PANK1: variants seen among roughly 807,000 people sequenced by gnomAD.
PANK1 encodes pantothenic acid kinase 1.
PANK1 carries 18 observed loss-of-function variants against 40.1 expected under a neutral mutation model. The observed-to-expected ratio is 0.45, with a 90% CI of 0.31 to 0.67. The LOEUF (loss-of-function observed/expected upper bound fraction) is 0.67. Ranked by LOEUF, PANK1 falls within the 30% of genes least tolerant of loss-of-function variation. The pLI, the probability that PANK1 is intolerant of heterozygous loss-of-function variation, is 0.06. For missense variants in PANK1, 457 were observed against 599.6 expected, an observed-to-expected ratio of 0.76 and a Z score of 2.48; for synonymous variants, 242 against 237.7, an observed-to-expected ratio of 1.02 and a Z score of -0.17.
At chr10:89,604,154 T>A (rs1434480824) in intron 2 of PANK1, among the ~76,000 whole-genome samples, 1 of 152,204 alleles carries the variant, frequency 6.6e-6, no homozygotes, top group Non-Finnish European at 1.5e-5. Context: ...AAATTTAATG[T>A]CAACCGAATA....
intron 2 of PANK1, among the ~76,000 whole-genome samples, chr10:89,609,693 C>T (rs368186448): frequency 4.3e-4 from 66 of 152,328 alleles, no homozygotes; most frequent in African/African-American, 1.6e-3. Context: ...CCTGGCCAGA[C>T]TATTTAGCAA....
intron 2 of PANK1, among the ~76,000 whole-genome samples, chr10:89,608,286 C>T (rs910964768): frequency 6.6e-6 from 1 of 151,962 alleles, no homozygotes; most frequent in African/African-American, 2.4e-5. Flanking sequence ...CCACCTCGGC[C>T]CCCCAAAGTG....
chr10:89,587,732 T>A (rs1179844519), intron 6 of PANK1, among the ~76,000 whole-genome samples: 1 of 152,312 alleles, frequency 6.6e-6, no homozygotes, highest in South Asian at 2.1e-4. Flanking sequence ...TAAGGTATAA[T>A]AAAATGGTTG....
At chr10:89,634,321 C>T (rs1026216946) in intron 1 of PANK1, among the ~76,000 whole-genome samples, 1 of 152,176 alleles carries the variant, frequency 6.6e-6, no homozygotes, top group Non-Finnish European at 1.5e-5. Context: ...ATCCAAGTAA[C>T]TGGCTGCCCA....
At chr10:89,592,973 G>A in intron 5 of PANK1, 1 of 569,486 alleles carries the variant, frequency 1.8e-6, no homozygotes, top group Non-Finnish European at 3.2e-6. Flanking sequence ...TGTTTCCACA[G>A]GTGAATGGTT....
At chr10:89,606,135 T>C (rs1458489967) in intron 2 of PANK1, among the ~76,000 whole-genome samples, 3 of 152,190 alleles carry the variant, frequency 2.0e-5, no homozygotes, top group African/African-American at 7.2e-5. Flanking sequence ...AAAGCACAGG[T>C]AGAGTAGATG....
intron 1 of PANK1, chr10:89,639,367 G>A: frequency 7.0e-6 from 2 of 284,280 alleles, no homozygotes; most frequent in Middle Eastern, 4.5e-4. Flanking sequence ...TTCTAACACT[G>A]TTGCATTGGA....
chr10:89,637,812 A>T (rs1841864275), intron 1 of PANK1, among the ~76,000 whole-genome samples: 1 of 152,218 alleles, frequency 6.6e-6, no homozygotes, highest in East Asian at 1.9e-4. Flanking sequence ...AATTTTAAAA[A>T]TTTTTTGACT....
chr10:89,601,945 T>C (rs1844799610), intron 2 of PANK1, among the ~76,000 whole-genome samples: 1 of 152,244 alleles, frequency 6.6e-6, no homozygotes, highest in South Asian at 2.1e-4. Flanking sequence ...TCTGGCTTGT[T>C]TTCTAGGTCT....
intron 2 of PANK1, among the ~76,000 whole-genome samples, chr10:89,611,013 T>A (rs1417392269): frequency 6.6e-6 from 1 of 152,204 alleles, no homozygotes; most frequent in African/African-American, 2.4e-5. Context: ...AACATTGGAC[T>A]GCATGTTACT....
At position 89,626,586 on chromosome 10, in the gene PANK1, G is replaced by A. The variant is rs553320693; in HGVS notation, c.293-14538C>T. On this transcript the variant is annotated intron_variant, in intron 1 of 6. Coordinates refer to ENST00000307534, the MANE Select transcript of PANK1 (RefSeq NM_148977.3). Reference sequence around the variant, plus strand: ...CCCAAAGTGGCGGGATTACAGGCGTGAGGTCCTCAGCTTTAATTATGCCAC... The same window carrying A: ...CCCAAAGTGGCGGGATTACAGGCGTAAGGTCCTCAGCTTTAATTATGCCAC... 4.6e-5 allele frequency: 7 copies of A among 152,496 alleles called. No homozygotes were observed. In the East Asian group the frequency reaches 1.2e-3, roughly 25 times the overall value. 9.4% of individuals were successfully genotyped at this position (152,496 alleles called of 1,614,324 possible).
Position 89,584,332 on chromosome 10 carries a change from G to A in PANK1, c.*74C>T, listed in dbSNP as rs1021956585. The A allele has an allele frequency of 6.4e-6, 6 of 940,020 alleles. No individual in the cohort carries two copies. The highest frequency in any genetic ancestry group is 1.6e-5 in the African/African-American group (1 of 61,692). 58.2% of individuals were successfully genotyped at this position (940,020 alleles called of 1,614,324 possible). A position where few individuals can be genotyped will look rare whatever the true frequency, so the allele number is the denominator to read the frequency against. ...AATGGCTTGGCTTCCGTCCCAAAGC[G>A]ACTTTCACCTTCTCCAGCAGCAATT... On this transcript the variant is annotated 3_prime_UTR_variant, in exon 7 of 7. Transcript: ENST00000307534.
intron 1 of PANK1, among the ~76,000 whole-genome samples, chr10:89,621,156 C>G (rs1589801184): frequency 1.3e-5 from 2 of 152,220 alleles, no homozygotes; most frequent in East Asian, 3.9e-4. Flanking sequence ...ACAAAATTAG[C>G]CTGGTGTTGT....
At chr10:89,632,917 CA>C (rs1841693951) in intron 1 of PANK1, among the ~76,000 whole-genome samples, 1 of 152,186 alleles carries the variant, frequency 6.6e-6, no homozygotes, top group Admixed American at 6.5e-5. Flanking sequence ...TTCTCATCTT[CA>C]GACATTGTCC....
At chr10:89,601,757 C>A (rs186256426) in intron 2 of PANK1, among the ~76,000 whole-genome samples, 120 of 152,222 alleles carry the variant, frequency 7.9e-4, no homozygotes, top group African/African-American at 2.7e-3. Context: ...TCTTTTTTTA[C>A]CAAGTGAAAC....
chr10:89,593,975 G>T lies in PANK1; in HGVS notation c.914C>A (p.Thr305Lys). The change falls in exon 4 of 7, where the codon ACA becomes AAA. Residue 305 changes from threonine (T) to lysine (K), a missense_variant. By Grantham distance (78) the Thr-to-Lys change is moderately conservative. This residue lies in a region of PANK1 where 286 missense variants were observed against 415.8 expected (regional missense o/e 0.69). Transcript: ENST00000307534. ...RVTGTSLGGG[T>K]FLGLCCLLTG... ...CAGCAAGCAACATAGGCCTAGGAATGTTCCACCTCCAAGACTGAAGGAATA... is the reference window on the plus strand; with the variant it reads ...CAGCAAGCAACATAGGCCTAGGAATTTTCCACCTCCAAGACTGAAGGAATA... The T allele has an allele frequency of 6.2e-7, 1 of 1,612,146 alleles. No individual in the cohort carries two copies. The highest frequency in any genetic ancestry group is 8.5e-7 in the Non-Finnish European group (1 of 1,178,382).
At chr10:89,601,924 A>T (rs933734930) in intron 2 of PANK1, among the ~76,000 whole-genome samples, 3 of 152,184 alleles carry the variant, frequency 2.0e-5, no homozygotes, top group Non-Finnish European at 2.9e-5. Flanking sequence ...CACTTACAGC[A>T]CAGGTCACAT....
chr10:89,619,885 C>T (rs968242369), intron 1 of PANK1, among the ~76,000 whole-genome samples: 3 of 152,180 alleles, frequency 2.0e-5, no homozygotes, highest in Admixed American at 6.5e-5. Context: ...GTCAGGGACC[C>T]TGAATGGAGG....
intron 1 of PANK1, chr10:89,643,924 C>G: frequency 2.3e-6 from 3 of 1,296,254 alleles, no homozygotes; most frequent in Non-Finnish European, 3.0e-6. Flanking sequence ...TACAAACCCT[C>G]AACTCAACCT....
Sources: allele counts gnomAD v4.1 joint callset (sites outside exome capture counted in the v4.1 genomes callset), GRCh38; gene constraint gnomAD v4.1.1; regional missense constraint gnomAD v4.1.1; transcripts MANE v1.5; gene names NCBI Gene and HGNC (gene_info 2026-07-23, HGNC 2026-07-21).